The following LYZL4 variants were observed in gnomAD, a reference collection of about 807,000 sequenced individuals.
LYZL4 encodes lysozyme like 4.
A neutral mutation model predicts 17.6 loss-of-function variants in LYZL4; 13 were observed. The observed-to-expected ratio is 0.74, with a 90% CI of 0.48 to 1.18. The LOEUF is 1.18. Ranked by LOEUF, LYZL4 falls within the 50% of genes most tolerant of loss-of-function variation. The pLI is 0.00. For synonymous variants in LYZL4, 64 were observed against 67.7 expected, an observed-to-expected ratio of 0.95 and a Z score of 0.27; for missense variants, 174 against 188.2, an observed-to-expected ratio of 0.92 and a Z score of 0.44.
At chr3:42,378,134 G>T in the LYZL4 span, among the ~76,000 whole-genome samples, 1 of 152,172 alleles carries the variant, frequency 6.6e-6, no homozygotes, top group African/African-American at 2.4e-5. Context: ...CAGCCACTTT[G>T]GTGGTGGCAA....
At chr3:42,408,189 C>G (rs1329257870) in intron 1 of LYZL4, among the ~76,000 whole-genome samples, 1 of 152,170 alleles carries the variant, frequency 6.6e-6, no homozygotes, top group Non-Finnish European at 1.5e-5. Flanking sequence ...AAAGCAGGTA[C>G]AAAATATCAC....
intron 1 of LYZL4, 63 bp from the exon 2 acceptor site, chr3:42,407,406 A>T: frequency 1.1e-6 from 1 of 906,212 alleles, no homozygotes; most frequent in South Asian, 1.8e-5. Context: ...TCACCTGGTA[A>T]GCCATGACAC....
the LYZL4 span, among the ~76,000 whole-genome samples, chr3:42,388,413 A>G: frequency 6.6e-6 from 1 of 152,218 alleles, no homozygotes; most frequent in African/African-American, 2.4e-5. Flanking sequence ...CTGGTGAGCA[A>G]CAGCACAGAC....
the LYZL4 span, among the ~76,000 whole-genome samples, chr3:42,380,555 T>C: frequency 3.9e-5 from 6 of 152,186 alleles, no homozygotes; most frequent in African/African-American, 1.4e-4. Context: ...GTTCTCTGTA[T>C]ACATAATTGT....
chr3:42,364,336 CTTTTCTTTTTTTTTTTT>C, the LYZL4 span, among the ~76,000 whole-genome samples: 1 of 124,096 alleles, frequency 8.1e-6, no homozygotes, highest in African/African-American at 3.3e-5. Context: ...TTTCCTTTTT[CTTTTCTTTTTTTTTTTT>C]TTTTTTCAGG....
the LYZL4 span, among the ~76,000 whole-genome samples, chr3:42,380,536 C>G: frequency 6.6e-6 from 1 of 152,158 alleles, no homozygotes; most frequent in Non-Finnish European, 1.5e-5. Context: ...AAAATCAAAA[C>G]AGCAGAGTGT....
intron 3 of LYZL4, 146 bp from the exon 4 acceptor site, chr3:42,404,270 C>T: frequency 1.8e-6 from 1 of 557,014 alleles, no homozygotes; most frequent in South Asian, 2.7e-5. Flanking sequence ...TATTAGACAA[C>T]CCTAAGGAGG....
At chr3:42,387,258 G>A in the LYZL4 span, among the ~76,000 whole-genome samples, 5 of 152,136 alleles carry the variant, frequency 3.3e-5, no homozygotes, top group African/African-American at 1.2e-4. Flanking sequence ...CCATGCCCGA[G>A]GTCAGGAAGT....
the LYZL4 span, among the ~76,000 whole-genome samples, chr3:42,379,812 A>G: frequency 2.6e-5 from 4 of 152,238 alleles, no homozygotes. Context: ...CTAATCCTCA[A>G]TGTGATGGTA....
At chr3:42,363,145 C>T in the LYZL4 span, among the ~76,000 whole-genome samples, 7 of 151,926 alleles carry the variant, frequency 4.6e-5, no homozygotes, top group South Asian at 1.5e-3. Context: ...AAAATAAATT[C>T]CATGGGAAAA....
At chr3:42,386,449 G>A in the LYZL4 span, among the ~76,000 whole-genome samples, 1 of 122,078 alleles carries the variant, frequency 8.2e-6, no homozygotes, top group Non-Finnish European at 1.6e-5. Flanking sequence ...GTTACTTTGG[G>A]CCCAAATGGA....
chr3:42,409,320 T>C (rs1291640990), intron 1 of LYZL4, among the ~76,000 whole-genome samples: 1 of 152,236 alleles, frequency 6.6e-6, no homozygotes, highest in African/African-American at 2.4e-5. Context: ...ACATTTTTCT[T>C]AGCTCTGGTT....
the LYZL4 span, among the ~76,000 whole-genome samples, chr3:42,377,627 G>C: frequency 0.015 from 979 of 64,748 alleles, 6 homozygotes; most frequent in African/African-American, 0.05. Context: ...ATGACTCTCT[G>C]TGTGTGTGTG....
intron 4 of LYZL4, among the ~76,000 whole-genome samples, chr3:42,400,939 ACACT>A (rs1698641562): frequency 6.6e-6 from 1 of 152,182 alleles, no homozygotes; most frequent in South Asian, 2.1e-4. Flanking sequence ...TATCAGAAAG[ACACT>A]CACACCAGCA....
the LYZL4 span, among the ~76,000 whole-genome samples, chr3:42,391,882 C>CT: frequency 2.0e-5 from 3 of 148,590 alleles, no homozygotes; most frequent in Non-Finnish European, 4.5e-5. Context: ...CTCTCTTTTT[C>CT]TTTTTTTTCT....
At chr3:42,380,175 A>G in the LYZL4 span, among the ~76,000 whole-genome samples, 300 of 152,288 alleles carry the variant, frequency 2.0e-3, no homozygotes, top group African/African-American at 7.1e-3. Flanking sequence ...GGAACCTAAG[A>G]CAGATCAGTT....
intron 1 of LYZL4, among the ~76,000 whole-genome samples, chr3:42,408,370 C>CCCCA (rs1698800003): frequency 6.6e-6 from 1 of 152,208 alleles, no homozygotes; most frequent in East Asian, 1.9e-4. Flanking sequence ...CCTCCCCACT[C>CCCCA]CATTCTCCAG....
chr3:42,401,617 T>C (rs1033894726), intron 4 of LYZL4, among the ~76,000 whole-genome samples: 1 of 152,106 alleles, frequency 6.6e-6, no homozygotes, highest in African/African-American at 2.4e-5. Flanking sequence ...ATATGACCTT[T>C]GGAAAAGTCA....
chr3:42,377,543 AG>A, the LYZL4 span, among the ~76,000 whole-genome samples: 1 of 151,856 alleles, frequency 6.6e-6, no homozygotes, highest in East Asian at 1.9e-4. Context: ...TATTCCATCT[AG>A]GTTTGTGTAA....
Sources: allele counts gnomAD v4.1 joint callset (sites outside exome capture counted in the v4.1 genomes callset), GRCh38; gene constraint gnomAD v4.1.1; transcripts MANE v1.5; gene names NCBI Gene and HGNC (gene_info 2026-07-23, HGNC 2026-07-21).